Variants in KCTD8 observed in about 807,000 individuals in gnomAD.
The protein encoded by KCTD8 is potassium channel tetramerization domain containing 8.
A neutral mutation model predicts 31.5 loss-of-function variants in KCTD8; 27 were observed. The observed-to-expected ratio is 0.86, with a 90% CI of 0.63 to 1.18. KCTD8 has a LOEUF of 1.18. Ranked by LOEUF, KCTD8 falls within the 50% of genes most tolerant of loss-of-function variation. The pLI, the probability that KCTD8 is intolerant of heterozygous loss-of-function variation, is 0.00. For synonymous variants in KCTD8, 290 were observed against 280.0 expected (o/e 1.04, Z -0.36); for missense variants, 658 against 647.7 (o/e 1.02, Z -0.17).
chr4:44,365,147 T>G (rs994590749), intron 1 of KCTD8, among the ~76,000 whole-genome samples: 1 of 152,156 alleles, frequency 6.6e-6, no homozygotes, highest in Admixed American at 6.6e-5. Context: ...ATTAATAACA[T>G]GGAAAACTGT....
At chr4:44,426,274 A>AC (rs1721343031) in intron 1 of KCTD8, among the ~76,000 whole-genome samples, 5 of 151,650 alleles carry the variant, frequency 3.3e-5, no homozygotes, top group Non-Finnish European at 7.4e-5. Context: ...GAAGAAAATA[A>AC]TCAAGAAGCT....
At chr4:44,384,436 T>C (rs895843152) in intron 1 of KCTD8, among the ~76,000 whole-genome samples, 20 of 151,874 alleles carry the variant, frequency 1.3e-4, no homozygotes, top group Non-Finnish European at 2.5e-4. Flanking sequence ...AAAAATGTGG[T>C]ATATACTATT....
At position 44,270,995 on chromosome 4, in the gene KCTD8, A is replaced by G. The variant is rs985734666; in HGVS notation, c.962-95745T>C. 1.1e-4 allele frequency among the ~76,000 whole-genome samples: 16 copies of G among 152,228 alleles called. 1 individual carries two copies. The highest frequency in any genetic ancestry group is 9.8e-4 in the Admixed American group (15 of 15,274). Reference sequence around the variant, plus strand: ...AAGAGGTATCCTACAAGTTGACTACATGGATTATTAAATAAATTTTTAGAG... The same window carrying G: ...AAGAGGTATCCTACAAGTTGACTACGTGGATTATTAAATAAATTTTTAGAG... On this transcript the variant is annotated intron_variant, in intron 1 of 1. Coordinates refer to ENST00000360029, the MANE Select transcript of KCTD8 (RefSeq NM_198353.3).
intron 1 of KCTD8, among the ~76,000 whole-genome samples, chr4:44,272,990 C>T (rs1356595347): frequency 2.0e-5 from 3 of 151,980 alleles, no homozygotes; most frequent in Non-Finnish European, 4.4e-5. Flanking sequence ...TTATGAGTCA[C>T]ATCACATATC....
chr4:44,432,764 T>C (rs984252191), intron 1 of KCTD8, among the ~76,000 whole-genome samples: 2 of 151,732 alleles, frequency 1.3e-5, no homozygotes, highest in Admixed American at 1.3e-4. Flanking sequence ...TTTGTTACCA[T>C]TGCAAGTTTA....
intron 1 of KCTD8, among the ~76,000 whole-genome samples, chr4:44,408,838 T>C (rs372533936): frequency 1.2e-4 from 19 of 152,142 alleles, no homozygotes; most frequent in African/African-American, 4.6e-4. Context: ...AAGATGGTCT[T>C]GATATCCTGA....
intron 1 of KCTD8, among the ~76,000 whole-genome samples, chr4:44,306,623 A>G (rs1717812581): frequency 6.6e-6 from 1 of 151,810 alleles, no homozygotes; most frequent in East Asian, 1.9e-4. Context: ...CCATAACCCT[A>G]TTACTCATAG....
At chr4:44,292,814 A>G (rs140241676) in intron 1 of KCTD8, among the ~76,000 whole-genome samples, 67 of 152,224 alleles carry the variant, frequency 4.4e-4, no homozygotes, top group African/African-American at 1.4e-3. Flanking sequence ...AGAATTTCCT[A>G]TGAGATTAAA....
chr4:44,259,563 A>G (rs907714201), intron 1 of KCTD8, among the ~76,000 whole-genome samples: 1 of 151,978 alleles, frequency 6.6e-6, no homozygotes, highest in Non-Finnish European at 1.5e-5. Context: ...AAAATCTCTC[A>G]AGGTGAAAAT....
chr4:44,301,152 T>C (rs1483259863), intron 1 of KCTD8, among the ~76,000 whole-genome samples: 2 of 152,182 alleles, frequency 1.3e-5, no homozygotes, highest in African/African-American at 2.4e-5. Flanking sequence ...GTCTTTGCTA[T>C]TGTGAATAAT....
chr4:44,296,425 C>G (rs1004237514), intron 1 of KCTD8, among the ~76,000 whole-genome samples: 5 of 151,554 alleles, frequency 3.3e-5, no homozygotes, highest in African/African-American at 1.2e-4. Flanking sequence ...AACAGTGTCA[C>G]ATGTGTTAAT....
chr4:44,355,447 T>C (rs1252318640), intron 1 of KCTD8, among the ~76,000 whole-genome samples: 1 of 152,184 alleles, frequency 6.6e-6, no homozygotes, highest in Non-Finnish European at 1.5e-5. Flanking sequence ...TTTTAGGTTT[T>C]AGTAACTCCA....
chr4:44,280,234 T>A (rs746045984), intron 1 of KCTD8, among the ~76,000 whole-genome samples: 2 of 151,980 alleles, frequency 1.3e-5, no homozygotes, highest in African/African-American at 2.4e-5. Flanking sequence ...GAGAGAATCA[T>A]CTAACTTTTT....
chr4:44,436,721 G>A (rs1469571594), intron 1 of KCTD8, among the ~76,000 whole-genome samples: 5 of 151,986 alleles, frequency 3.3e-5, no homozygotes, highest in African/African-American at 4.8e-5. Context: ...AAATTAGGAG[G>A]TGTATATGTG....
chr4:44,196,309 C>G (rs1161952837), intron 1 of KCTD8, among the ~76,000 whole-genome samples: 1 of 152,150 alleles, frequency 6.6e-6, no homozygotes, highest in African/African-American at 2.4e-5. Flanking sequence ...AGAATGTACA[C>G]ATATGAAGAA....
chr4:44,268,181 A>C (rs1015373005), intron 1 of KCTD8, among the ~76,000 whole-genome samples: 1 of 152,324 alleles, frequency 6.6e-6, no homozygotes, highest in Admixed American at 6.5e-5. Flanking sequence ...AACACATCAA[A>C]AAGCTTATCC....
chr4:44,423,210 GA>G (rs1421928616), intron 1 of KCTD8, among the ~76,000 whole-genome samples: 4 of 151,998 alleles, frequency 2.6e-5, no homozygotes, highest in Admixed American at 2.0e-4. Flanking sequence ...AAGAATTACT[GA>G]GCCCAAAATC....
At chr4:44,348,718 T>C (rs2109423281) in intron 1 of KCTD8, among the ~76,000 whole-genome samples, 1 of 152,302 alleles carries the variant, frequency 6.6e-6, no homozygotes, top group Non-Finnish European at 1.5e-5. Context: ...TCAGTCCTTG[T>C]TGCTTACAGC....
intron 1 of KCTD8, among the ~76,000 whole-genome samples, chr4:44,337,116 ACAAT>A (rs957830074): frequency 2.0e-5 from 3 of 152,174 alleles, no homozygotes; most frequent in Non-Finnish European, 4.4e-5. Context: ...AACCTAACTA[ACAAT>A]CAATTATAAA....
Sources: gnomAD v4.1 joint callset for allele counts (sites outside exome capture counted in the v4.1 genomes callset) on GRCh38, gnomAD v4.1.1 for gene constraint, MANE v1.5 for transcripts, NCBI Gene and HGNC (gene_info 2026-07-23, HGNC 2026-07-21) for gene names.